The following TPR variants were observed in gnomAD, a reference collection of about 807,000 sequenced individuals.
The protein encoded by TPR is translocated promoter region, nuclear basket protein.
Under a neutral mutation model 316.1 loss-of-function variants are expected in TPR, and 51 were observed. The observed-to-expected ratio is 0.16, with a 90% confidence interval of 0.13 to 0.20. TPR has a LOEUF of 0.20. Ranked by LOEUF, TPR falls within the 10% of genes least tolerant of loss-of-function variation. TPR has a pLI of 1.00. For missense variants in TPR, 2,272 were observed against 2,754.8 expected (o/e 0.82, Z 3.92); for synonymous variants, 981 against 914.7 (o/e 1.07, Z -1.31).
intron 17 of TPR, 112 bp downstream of exon 17, chr1:186,355,298 C>A: frequency 3.6e-6 from 4 of 1,119,416 alleles, no homozygotes; most frequent in Non-Finnish European, 3.8e-6. Flanking sequence ...CATTCTGGAA[C>A]ACAGTTCACA....
intron 33 of TPR, 54 bp downstream of exon 33, chr1:186,336,442 T>C: frequency 6.4e-7 from 1 of 1,563,356 alleles, no homozygotes; most frequent in Non-Finnish European, 8.8e-7. Flanking sequence ...GTTTTAGGCC[T>C]GCAACACATA....
chr1:186,333,295 T>C lies in TPR; in HGVS notation c.5282A>G (p.Gln1761Arg). 1 of 1,613,720 alleles carries C rather than the reference T, an allele frequency of 6.2e-7. No homozygotes were observed. Among genetic ancestry groups the C allele is most frequent in the Non-Finnish European group, 8.5e-7 (1 of 1,179,720 alleles). ...TSPNVQPSIS[Q>R]PILTVQQQTQ... is the part of the protein sequence containing the mutation. ...TTGTTGCTGAACAGTTAAAATAGGT[T>C]GAGAGATAGAAGGCTGGACATTAGG... is the stretch of plus-strand genomic sequence containing the variant. Residue 1761 changes from glutamine to arginine, a missense_variant, in exon 37 of 51, where the codon CAA becomes CGA. This residue lies in a region of TPR where 435 missense variants were observed against 461.1 expected (regional missense o/e 0.94). Transcript: ENST00000367478.
chr1:186,347,474 GCT>G lies in TPR; in HGVS notation c.2777-18_2777-17del, dbSNP rs1239852320. ...CTAGGCTGACCTAAAAGACATAACAGCTCTGTTAAAATTAACATTTTCAATAG... is the reference window on the plus strand; with the variant it reads ...CTAGGCTGACCTAAAAGACATAACAGCTGTTAAAATTAACATTTTCAATAG... On this transcript the variant is annotated splice_polypyrimidine_tract_variant and intron_variant, in intron 21 of 50. Transcript: ENST00000367478. 2.5e-6 allele frequency: 4 copies of G among 1,609,244 alleles called. No individual in the cohort carries two copies. The highest frequency in any genetic ancestry group is 1.1e-5 in the South Asian group (1 of 90,072).
At chr1:186,362,593 A>C (rs1659229150) in intron 6 of TPR, among the ~76,000 whole-genome samples, 2 of 152,064 alleles carry the variant, frequency 1.3e-5, no homozygotes, top group African/African-American at 2.4e-5. Flanking sequence ...TTCTTAAACA[A>C]ACACATATTT....
intron 45 of TPR, among the ~76,000 whole-genome samples, chr1:186,320,701 C>A (rs1265061269): frequency 6.6e-6 from 1 of 152,220 alleles, no homozygotes; most frequent in East Asian, 1.9e-4. Context: ...TCTCAGATAT[C>A]CTCACATAGA....
intron 38 of TPR, 77 bp from the exon 39 acceptor site, chr1:186,331,658 A>T (rs77661411): frequency 5.3e-6 from 5 of 939,870 alleles, no homozygotes; most frequent in Non-Finnish European, 7.6e-6. Context: ...TAGTTCTCTC[A>T]TTTGAAAAAA....
intron 36 of TPR, 79 bp downstream of exon 36, chr1:186,334,246 T>C: frequency 4.4e-6 from 6 of 1,376,434 alleles, no homozygotes; most frequent in Admixed American, 2.4e-5. Context: ...GGATGCTTCA[T>C]TTGTCTTTGA....
chr1:186,345,074 T>C lies in TPR; in HGVS notation c.3214-496A>G, dbSNP rs549559393. ...CTCTGAATCCTGAATTGTTTTATCA[T>C]TTCCTGTTCATAAAAAAATTATAAA... On this transcript the variant is annotated intron_variant, in intron 24 of 50. Coordinates refer to ENST00000367478, the MANE Select transcript of TPR (RefSeq NM_003292.3). 1.8e-4 allele frequency among the ~76,000 whole-genome samples: 28 copies of C among 151,784 alleles called. No homozygotes were observed. In the South Asian group the frequency reaches 5.6e-3, roughly 31 times the overall value.
chr1:186,358,527 A>T lies in TPR; in HGVS notation c.1497+16T>A. The stretch of plus-strand genomic sequence containing the variant: ...CAGGTTTTTAAAAGTAGGAAAACAA[A>T]CAAAAAAATTCTAACCTGTTGTGAA... On this transcript the variant is annotated intron_variant, in intron 13 of 50. Transcript: ENST00000367478. 6.2e-7 allele frequency: 1 copy of T among 1,600,864 alleles called. No individual in the cohort carries two copies. Among genetic ancestry groups the T allele is most frequent in the Non-Finnish European group, 8.5e-7 (1 of 1,174,214 alleles).
rs755150378 is a variant in TPR at position 186,359,975 on chromosome 1, T to C, written c.1213A>G (p.Thr405Ala). The C allele has an allele frequency of 1.9e-6, 3 of 1,609,026 alleles. No homozygotes were observed. Among genetic ancestry groups the C allele is most frequent in the Admixed American group, 3.4e-5 (2 of 58,676 alleles). ...LTELYNAYVE[T>A]QDQLLLEKLE... Reference sequence around the variant, plus strand: ...TTCTCCAAAAGCAACTGATCCTGAGTTTCCACATAAGCATTATAGAGCTGA... The same window carrying C: ...TTCTCCAAAAGCAACTGATCCTGAGCTTCCACATAAGCATTATAGAGCTGA... The change falls in exon 12 of 51, where the codon ACT becomes GCT. Residue 405 changes from threonine to alanine, a missense_variant. Physicochemically the swap from Thr to Ala is moderately conservative, Grantham distance 58 (BLOSUM62 0). Around this residue, in one of 10 missense-constraint regions of TPR, gnomAD observed 549 missense variants for 598.6 expected, o/e 0.92. Transcript: ENST00000367478.
intron 44 of TPR, 42 bp downstream of exon 44, chr1:186,322,476 C>A: frequency 6.2e-7 from 1 of 1,612,950 alleles, no homozygotes; most frequent in South Asian, 1.1e-5. Context: ...TAAATATCTG[C>A]TCAAGAAATG....
rs869297890 is a variant in TPR, at chr1:186,327,095, TA to T, written c.5889+364del. On this transcript the variant is annotated intron_variant, in intron 40 of 50. Transcript: ENST00000367478. ...AATATATATAAATATATAACATATA[TA>T]TTATATATATAAATATATATAAATA... 4.6e-4 allele frequency among the ~76,000 whole-genome samples: 4 copies of T among 8,650 alleles called. 1 individual carries two copies. The highest frequency in any genetic ancestry group is 1.2e-3 in the African/African-American group (3 of 2,464). The allele number at this position is 8,650 out of a possible 152,430, so 5.7% of individuals were successfully genotyped here.
intron 21 of TPR, 132 bp from the exon 22 acceptor site, chr1:186,347,590 C>A: frequency 1.1e-6 from 1 of 894,390 alleles, no homozygotes; most frequent in Non-Finnish European, 1.5e-6. Context: ...CAATCCATGC[C>A]GAATACCAAA....
At position 186,345,593 on chromosome 1, in the gene TPR, T is replaced by C. The variant is rs1658652256; in HGVS notation, c.3200A>G (p.Asp1067Gly). Residue 1067 changes from aspartate to glycine, a missense_variant, in exon 24 of 51, where the codon GAC (aspartate) becomes GGC (glycine). Coordinates refer to ENST00000367478, the MANE Select transcript of TPR (RefSeq NM_003292.3). ...GGCTATACTTACTTGTTCCTGACAG[T>C]CACGTCTGGCTTGCTGCTCATTACT... ...ALSNEQQARR[D>G]CQEQAKIAVE... 9 of 1,613,122 alleles carry C rather than the reference T, an allele frequency of 5.6e-6. No individual in the cohort carries two copies. Among genetic ancestry groups the C allele is most frequent in the Non-Finnish European group, 7.6e-6 (9 of 1,179,426 alleles).
Position 186,326,188 on chromosome 1 carries a change from TG to T in TPR, c.5936del (p.Thr1979LysfsTer107), listed in dbSNP as rs1445250265. On this transcript the variant is annotated frameshift_variant, in exon 41 of 51. Transcript: ENST00000367478. LOFTEE classifies it high-confidence loss of function. ...EEDDDDDEDDTGMGDEGEDSN... is the reference protein window; with the variant it reads ...EEDDDDDEDDXGMGDEGEDSN... ...TATCTTCACCCTCATCTCCCATCCC[TG>T]TGTCATCTTCATCATCATCATCATC... The T allele has an allele frequency of 6.2e-7, 1 of 1,610,448 alleles. No individual in the cohort carries two copies. The highest frequency in any genetic ancestry group is 8.5e-7 in the Non-Finnish European group (1 of 1,177,016).
chr1:186,331,617 G>T, intron 38 of TPR, 36 bp from the exon 39 acceptor site: 2 of 1,403,374 alleles, frequency 1.4e-6, no homozygotes, highest in Admixed American at 2.0e-5. Flanking sequence ...AACCATATCA[G>T]TGTAGTAGAT....
chr1:186,346,777 A>G (rs1658693478), intron 22 of TPR, among the ~76,000 whole-genome samples: 1 of 152,348 alleles, frequency 6.6e-6, no homozygotes, highest in Non-Finnish European at 1.5e-5. Flanking sequence ...AAAAAAATCA[A>G]TGGCTCTTAA....
intron 21 of TPR, 152 bp from the exon 22 acceptor site, chr1:186,347,610 G>A: frequency 2.7e-6 from 2 of 749,514 alleles, no homozygotes; most frequent in Non-Finnish European, 3.8e-6. Flanking sequence ...AATAAAAGCA[G>A]GTACTTTGTT....
At chr1:186,332,846 C>A (rs1658210916) in intron 37 of TPR, among the ~76,000 whole-genome samples, 1 of 152,038 alleles carries the variant, frequency 6.6e-6, no homozygotes, top group Non-Finnish European at 1.5e-5. Context: ...GGGGGAGAAT[C>A]ATCTTAATGA....
Sources: gnomAD v4.1 joint callset for allele counts (sites outside exome capture counted in the v4.1 genomes callset) on GRCh38, gnomAD v4.1.1 for gene constraint, gnomAD v4.1.1 regional missense constraint, MANE v1.5 for transcripts, NCBI Gene and HGNC (gene_info 2026-07-23, HGNC 2026-07-21) for gene names.